The following SOAT1 variants were observed in gnomAD, a reference collection of about 807,000 sequenced individuals.
SOAT1 encodes acyl-coenzyme A:cholesterol acyltransferase 1.
In SOAT1, 55 loss-of-function variants were observed where a neutral mutation model predicts 69.5. The observed-to-expected ratio is 0.79, with a 90% CI of 0.64 to 0.99. SOAT1 has a LOEUF of 0.99. SOAT1 is among the 50% of genes least tolerant of loss of function. The pLI, the probability that SOAT1 is intolerant of heterozygous loss-of-function variation, is 0.00. For missense variants in SOAT1, 580 were observed against 669.3 expected (o/e 0.87, Z 1.47); for synonymous variants, 231 against 224.7 (o/e 1.03, Z -0.25).
At chr1:179,319,740 C>T (rs1665529781) in intron 2 of SOAT1, among the ~76,000 whole-genome samples, 1 of 152,164 alleles carries the variant, frequency 6.6e-6, no homozygotes, top group Non-Finnish European at 1.5e-5. Context: ...CCTTAGCCTC[C>T]CAAGTAGCTG....
At chr1:179,326,186 G>A (rs2124970048) in intron 3 of SOAT1, among the ~76,000 whole-genome samples, 1 of 152,224 alleles carries the variant, frequency 6.6e-6, no homozygotes, top group African/African-American at 2.4e-5. Flanking sequence ...AGATTATAAA[G>A]CATTTTTTCT....
At chr1:179,336,734 C>T (rs919354045) in intron 4 of SOAT1, among the ~76,000 whole-genome samples, 7 of 152,146 alleles carry the variant, frequency 4.6e-5, no homozygotes, top group African/African-American at 7.2e-5. Context: ...TGGTGGCTCA[C>T]GCCTGTAATC....
intron 3 of SOAT1, among the ~76,000 whole-genome samples, chr1:179,334,495 A>G (rs1366394223): frequency 1.3e-5 from 2 of 152,008 alleles, no homozygotes; most frequent in Non-Finnish European, 2.9e-5. Flanking sequence ...AGAGTCAAGA[A>G]CTTTGTGAAA....
At position 179,354,499 on chromosome 1, in the gene SOAT1, G is replaced by A. The variant is rs1222311855; in HGVS notation, c.*858G>A. On this transcript the variant is annotated 3_prime_UTR_variant, in exon 16 of 16. Coordinates refer to ENST00000367619, the MANE Select transcript of SOAT1 (RefSeq NM_003101.6). Reference sequence around the variant, plus strand: ...GAAGATATTCCTTTTTAACTTTGTGGTAACTTCTTTGAAGTTATTTAGAAA... The same window carrying A: ...GAAGATATTCCTTTTTAACTTTGTGATAACTTCTTTGAAGTTATTTAGAAA... The A allele has an allele frequency of 6.6e-6, 1 of 152,106 alleles. No individual in the cohort carries two copies. Among genetic ancestry groups the A allele is most frequent in the Non-Finnish European group, 1.5e-5 (1 of 68,006 alleles). The allele number at this position is 152,106 out of a possible 1,614,324, so 9.4% of individuals were successfully genotyped here.
chr1:179,340,517 A>G (rs980624703), intron 6 of SOAT1, among the ~76,000 whole-genome samples: 7 of 152,206 alleles, frequency 4.6e-5, no homozygotes, highest in African/African-American at 9.6e-5. Flanking sequence ...TAGCTTAAAA[A>G]ATGACAGCGT....
At chr1:179,317,318 G>A (rs1285743358) in intron 2 of SOAT1, among the ~76,000 whole-genome samples, 2 of 152,164 alleles carry the variant, frequency 1.3e-5, no homozygotes, top group Non-Finnish European at 2.9e-5. Context: ...CGGATCACGA[G>A]GTCAGGAGAT....
chr1:179,349,206 T>C (rs187767356), intron 13 of SOAT1, among the ~76,000 whole-genome samples: 14 of 152,286 alleles, frequency 9.2e-5, no homozygotes, highest in African/African-American at 3.1e-4. Context: ...TAAGAATGCA[T>C]GGAGGTTGTT....
intron 2 of SOAT1, among the ~76,000 whole-genome samples, chr1:179,321,124 C>T (rs755491564): frequency 1.3e-5 from 2 of 151,990 alleles, no homozygotes; most frequent in Non-Finnish European, 2.9e-5. Flanking sequence ...CCAGGCTGGT[C>T]TCGAATTCCT....
rs577175786 is a variant in SOAT1, at chr1:179,353,877, G to A, written c.*236G>A. 5.4e-5 allele frequency: 27 copies of A among 498,160 alleles called. No individual in the cohort carries two copies. Among genetic ancestry groups the A allele is most frequent in the South Asian group, 1.4e-4 (5 of 36,072 alleles). 30.9% of individuals were successfully genotyped at this position (498,160 alleles called of 1,614,324 possible). A position where few individuals can be genotyped will look rare whatever the true frequency, so the allele number is the denominator to read the frequency against. The stretch of plus-strand genomic sequence containing the variant: ...TGGGGCTGGGTGGGGGGAGAAGACC[G>A]ACTAACAGCTGAAGTAATGACAGAT... On this transcript the variant is annotated 3_prime_UTR_variant, in exon 16 of 16. Transcript: ENST00000367619.
intron 2 of SOAT1, among the ~76,000 whole-genome samples, chr1:179,304,230 G>A (rs376591074): frequency 1.1e-4 from 16 of 151,648 alleles, no homozygotes; most frequent in African/African-American, 3.9e-4. Flanking sequence ...CTGGGATTAC[G>A]GGCGTGAGCC....
chr1:179,299,606 T>C (rs1262273782), intron 1 of SOAT1, among the ~76,000 whole-genome samples: 1 of 152,126 alleles, frequency 6.6e-6, no homozygotes, highest in Non-Finnish European at 1.5e-5. Context: ...ATGAAAATAA[T>C]ACATGTAAAA....
chr1:179,322,913 A>G (rs1340749905), intron 2 of SOAT1, among the ~76,000 whole-genome samples: 2 of 152,098 alleles, frequency 1.3e-5, no homozygotes, highest in African/African-American at 4.8e-5. Context: ...TCTGTAAAGT[A>G]TTGTCCTCTG....
At chr1:179,294,556 G>A (rs142055109) in intron 1 of SOAT1, among the ~76,000 whole-genome samples, 1 of 152,174 alleles carries the variant, frequency 6.6e-6, no homozygotes, top group Non-Finnish European at 1.5e-5. Context: ...TGTTTGAGAC[G>A]GAGTCTCGCT....
intron 2 of SOAT1, among the ~76,000 whole-genome samples, chr1:179,316,448 G>GT (rs1665397927): frequency 6.6e-6 from 1 of 152,090 alleles, no homozygotes; most frequent in Non-Finnish European, 1.5e-5. Flanking sequence ...CCAGGCTGGA[G>GT]TGCAATGGTA....
intron 3 of SOAT1, among the ~76,000 whole-genome samples, chr1:179,333,365 C>A (rs1265467014): frequency 2.0e-5 from 3 of 149,670 alleles, no homozygotes; most frequent in African/African-American, 7.4e-5. Context: ...TCTTTTTCTT[C>A]ATAGTATCTT....
chr1:179,308,666 C>T (rs1235122599), intron 2 of SOAT1, among the ~76,000 whole-genome samples: 6 of 117,102 alleles, frequency 5.1e-5, no homozygotes, highest in Non-Finnish European at 1.1e-4. Context: ...AGTAAGACTC[C>T]GTCCAAAAAA....
At chr1:179,330,215 T>C (rs986951664) in intron 3 of SOAT1, among the ~76,000 whole-genome samples, 3 of 151,976 alleles carry the variant, frequency 2.0e-5, no homozygotes, top group African/African-American at 7.2e-5. Context: ...TGCTGATTAG[T>C]TGGGGTTGAA....
chr1:179,321,622 A>G (rs1359057471), intron 2 of SOAT1, among the ~76,000 whole-genome samples: 3 of 152,040 alleles, frequency 2.0e-5, no homozygotes, highest in South Asian at 2.1e-4. Context: ...CCCATCTCCA[A>G]TTGGCTGTTT....
At chr1:179,335,460 A>G in intron 3 of SOAT1, 46 bp from the exon 4 acceptor site, 3 of 1,526,636 alleles carry the variant, frequency 2.0e-6, no homozygotes, top group Non-Finnish European at 9.0e-7. Context: ...AATGACTCAC[A>G]AGCATGTATT....
Sources: gnomAD v4.1 joint callset for allele counts (sites outside exome capture counted in the v4.1 genomes callset) on GRCh38, gnomAD v4.1.1 for gene constraint, MANE v1.5 for transcripts, NCBI Gene and HGNC (gene_info 2026-07-23, HGNC 2026-07-21) for gene names.